TIMM21: variants seen among roughly 807,000 people sequenced by gnomAD.
TIMM21 encodes the protein translocase of inner mitochondrial membrane 21.
In TIMM21, 30 loss-of-function variants were observed where a neutral mutation model predicts 27.7. That is an observed-to-expected ratio of 1.08 (90% confidence interval 0.81 to 1.47). The LOEUF (loss-of-function observed/expected upper bound fraction) is 1.47, where lower values mean the gene tolerates loss of function less well. Among genes scored for constraint, TIMM21 ranks in the 40% most tolerant of loss-of-function variants. The pLI is 0.00. For missense variants in TIMM21, 292 were observed against 302.9 expected, an observed-to-expected ratio of 0.96 and a Z score of 0.27; for synonymous variants, 121 against 114.4, an observed-to-expected ratio of 1.06 and a Z score of -0.37.
At position 74,160,394 on chromosome 18, in the gene TIMM21, A is replaced by G. The variant is rs1345964925; in HGVS notation, c.*1914A>G. On this transcript the variant is annotated 3_prime_UTR_variant, in exon 6 of 6. Coordinates refer to ENST00000169551, the MANE Select transcript of TIMM21 (RefSeq NM_014177.3). Reference sequence around the variant, plus strand: ...CTAAATTACTTTTTCAAAAGGAAAAACTCTGTACCAATAAGAGATTCTTCT... The same window carrying G: ...CTAAATTACTTTTTCAAAAGGAAAAGCTCTGTACCAATAAGAGATTCTTCT... 2.6e-5 allele frequency: 4 copies of G among 152,130 alleles called. No homozygotes were observed. 9.4% of individuals were successfully genotyped at this position (152,130 alleles called of 1,614,324 possible).
Position 74,158,261 on chromosome 18 carries a change from T to G in TIMM21, c.627T>G (p.Tyr209Ter), listed in dbSNP as rs181140231. The G allele has an allele frequency of 1.2e-6, 2 of 1,614,138 alleles. No homozygotes were observed. Among genetic ancestry groups the G allele is most frequent in the Admixed American group, 3.3e-5 (2 of 60,020 alleles). The part of the protein sequence containing the change: ...GSEPGKQGTV[Y>*]AQVKENPGSG... Reference sequence around the variant, plus strand: ...AGCCAGGGAAGCAAGGAACGGTGTATGCGCAAGTGAAAGAGGTGTGGGAAT... The same window carrying G: ...AGCCAGGGAAGCAAGGAACGGTGTAGGCGCAAGTGAAAGAGGTGTGGGAAT... The change falls in exon 5 of 6, where the codon TAT becomes TAG. Residue 209 changes from tyrosine to a stop codon, truncating the protein, a stop_gained. Transcript: ENST00000169551. LOFTEE classifies it low-confidence loss of function (END_TRUNC).
intron 3 of TIMM21, among the ~76,000 whole-genome samples, chr18:74,155,720 A>G (rs1205367741): frequency 1.3e-5 from 2 of 152,222 alleles, no homozygotes; most frequent in Non-Finnish European, 2.9e-5. Flanking sequence ...GCATGACCTC[A>G]TGGTCATAAT....
In TIMM21 at chr18:74,152,758, G is replaced by A. The variant is rs1415875725; in HGVS notation, c.302-2387G>A. On this transcript the variant is annotated intron_variant, in intron 1 of 5. Transcript: ENST00000169551. This position sits in a 1 kb window ranked among gnomAD's most constrained non-coding sequence, Gnocchi z 4.1. ...GGCTTCCCAGGGAAGTGGGATTTGC[G>A]TAAGGTTTATCAGGGAGTGCTCTCA... Among the ~76,000 whole-genome samples the A allele has an allele frequency of 5.9e-5, 9 of 152,200 alleles. No individual in the cohort carries two copies. Among genetic ancestry groups the A allele is most frequent in the Non-Finnish European group, 8.8e-5 (6 of 68,032 alleles).
chr18:74,157,717 T>C, intron 3 of TIMM21: 1 of 287,314 alleles, frequency 3.5e-6, no homozygotes, highest in Non-Finnish European at 6.6e-6. Flanking sequence ...TGCCTCAGCT[T>C]CCTGAGTAGC....
In TIMM21 at chr18:74,159,416, A is replaced by G. The variant is rs545703364; in HGVS notation, c.*936A>G. 6.6e-6 allele frequency: 1 copy of G among 151,948 alleles called. No individual in the cohort carries two copies. The highest frequency in any genetic ancestry group is 2.1e-4 in the South Asian group (1 of 4,794). 9.4% of individuals were successfully genotyped at this position (151,948 alleles called of 1,614,324 possible). A position where few individuals can be genotyped will look rare whatever the true frequency, so the allele number is the denominator to read the frequency against. On this transcript the variant is annotated 3_prime_UTR_variant, in exon 6 of 6. Transcript: ENST00000169551. The stretch of plus-strand genomic sequence containing the variant: ...TGTGCATTGGGAGGGGTCTAGAACC[A>G]TGTTTATCTGCGGTGGCTTCAGTGT...
intron 1 of TIMM21, among the ~76,000 whole-genome samples, chr18:74,150,079 C>CAGG (rs1979759207): frequency 6.6e-6 from 1 of 152,172 alleles, no homozygotes; most frequent in African/African-American, 2.4e-5. Flanking sequence ...CTTGGCACGC[C>CAGG]CCAGTGTAGC....
chr18:74,153,243 T>C (rs1979860265), intron 1 of TIMM21, among the ~76,000 whole-genome samples: 1 of 152,212 alleles, frequency 6.6e-6, no homozygotes, highest in African/African-American at 2.4e-5. Flanking sequence ...ATTTTTCAAG[T>C]GTGTAGAATA....
Position 74,152,930 on chromosome 18 carries a change from T to C in TIMM21, c.302-2215T>C, listed in dbSNP as rs1156270219. On this transcript the variant is annotated intron_variant, in intron 1 of 5. Transcript: ENST00000169551. This position sits in a 1 kb window ranked among gnomAD's most constrained non-coding sequence, Gnocchi z 4.1. Reference sequence around the variant, plus strand: ...CCTACCTAATATGGGGGCTGAGTCTTATGCTTCTGCATCAACCAGGCATTG... The same window carrying C: ...CCTACCTAATATGGGGGCTGAGTCTCATGCTTCTGCATCAACCAGGCATTG... Among the ~76,000 whole-genome samples, 1 of 152,176 alleles carries C rather than the reference T, an allele frequency of 6.6e-6. No homozygotes were observed. The highest frequency in any genetic ancestry group is 1.5e-5 in the Non-Finnish European group (1 of 68,024).
At chr18:74,157,296 T>G (rs1348657294) in intron 3 of TIMM21, 1 of 152,240 alleles carries the variant, frequency 6.6e-6, no homozygotes, top group African/African-American at 2.4e-5. Flanking sequence ...CTCATAGTTT[T>G]AGTATTAGAT....
intron 1 of TIMM21, among the ~76,000 whole-genome samples, chr18:74,151,945 C>CT (rs113212978): frequency 2.1e-5 from 3 of 145,258 alleles, no homozygotes; most frequent in East Asian, 2.1e-4. Flanking sequence ...GTTCCCCCCC[C>CT]CCCCGGGGGG....
intron 1 of TIMM21, 194 bp from the exon 2 acceptor site, chr18:74,154,951 C>G: frequency 1.7e-6 from 1 of 600,010 alleles, no homozygotes; most frequent in Non-Finnish European, 3.0e-6. Flanking sequence ...AACATAGATT[C>G]CCAAGCCCTG....
At chr18:74,155,087 G>A in intron 1 of TIMM21, 58 bp from the exon 2 acceptor site, 1 of 1,567,694 alleles carries the variant, frequency 6.4e-7, no homozygotes, top group Non-Finnish European at 8.8e-7. Context: ...AAAAGCAGCA[G>A]ACAAGCTTGC....
At position 74,158,501 on chromosome 18, in the gene TIMM21, T is replaced by G; in HGVS notation, c.*21T>G. ...ATTAAAATAGGGTTTCTGATGGATG[T>G]TGAATGGCGTGGACTCGCTACTCCG... On this transcript the variant is annotated 3_prime_UTR_variant, in exon 6 of 6. Transcript: ENST00000169551. The G allele has an allele frequency of 6.8e-7, 1 of 1,473,660 alleles. No individual in the cohort carries two copies. Among genetic ancestry groups the G allele is most frequent in the South Asian group, 1.1e-5 (1 of 87,242 alleles). 91.3% of individuals were successfully genotyped at this position (1,473,660 alleles called of 1,614,324 possible).
chr18:74,158,728 G>A lies in TIMM21; in HGVS notation c.*248G>A, dbSNP rs1475912831. ...TTTCTGCTTTAACACCATCTTTCAT[G>A]ATTAGAAATGTTTGTTATTGGAAAT... On this transcript the variant is annotated 3_prime_UTR_variant, in exon 6 of 6. Coordinates refer to ENST00000169551, the MANE Select transcript of TIMM21 (RefSeq NM_014177.3). The A allele has an allele frequency of 2.7e-6, 1 of 366,920 alleles. No homozygotes were observed. Among genetic ancestry groups the A allele is most frequent in the Non-Finnish European group, 4.9e-6 (1 of 202,600 alleles). The allele number at this position is 366,920 out of a possible 1,614,324, so 22.7% of individuals were successfully genotyped here.
intron 1 of TIMM21, among the ~76,000 whole-genome samples, chr18:74,154,494 C>G (rs551540635): frequency 3.3e-5 from 5 of 151,888 alleles, no homozygotes; most frequent in Non-Finnish European, 7.4e-5. Flanking sequence ...ATCTCCTGAC[C>G]TCGTGATCCG....
intron 3 of TIMM21, chr18:74,156,573 G>A: frequency 3.2e-6 from 1 of 315,696 alleles, no homozygotes; most frequent in Non-Finnish European, 5.7e-6. Flanking sequence ...TAGTTACTGG[G>A]AATCCAAATT....
Position 74,158,672 on chromosome 18 carries a change from A to G in TIMM21, c.*192A>G, listed in dbSNP as rs557322147. 5.5e-5 allele frequency: 28 copies of G among 504,824 alleles called. No homozygotes were observed. Among genetic ancestry groups the G allele is most frequent in the Admixed American group, 2.0e-4 (5 of 25,520 alleles). The allele number at this position is 504,824 out of a possible 1,614,324, so 31.3% of individuals were successfully genotyped here. On this transcript the variant is annotated 3_prime_UTR_variant, in exon 6 of 6. Transcript: ENST00000169551. The stretch of plus-strand genomic sequence containing the variant: ...AAAATTATGAAATACAGCATATTTT[A>G]TGTTCTCCCATTGACTCAATCATGA...
At chr18:74,154,575 T>G (rs1476838265) in intron 1 of TIMM21, among the ~76,000 whole-genome samples, 1 of 151,894 alleles carries the variant, frequency 6.6e-6, no homozygotes, top group East Asian at 1.9e-4. Context: ...GACACTGTCT[T>G]GATTGAGTTT....
intron 3 of TIMM21, among the ~76,000 whole-genome samples, chr18:74,155,930 C>T (rs899784600): frequency 2.0e-4 from 31 of 152,132 alleles, no homozygotes; most frequent in African/African-American, 7.0e-4. Flanking sequence ...GGAACCGGAA[C>T]CCGAATCCAC....
Sources: allele counts gnomAD v4.1 joint callset (sites outside exome capture counted in the v4.1 genomes callset), GRCh38; gene constraint gnomAD v4.1.1; non-coding constraint Gnocchi (gnomAD v3.1); transcripts MANE v1.5; gene names NCBI Gene and HGNC (gene_info 2026-07-23, HGNC 2026-07-21).